Variants in MTUS2 observed in about 807,000 individuals in gnomAD.
MTUS2 encodes microtubule associated scaffold protein 2.
A neutral mutation model predicts 114.1 loss-of-function variants in MTUS2; 40 were observed. That is an observed-to-expected ratio of 0.35 (90% CI 0.27 to 0.46). The LOEUF (loss-of-function observed/expected upper bound fraction) is 0.46. Among genes scored for constraint, MTUS2 ranks in the 20% least tolerant of loss-of-function variants. The probability of loss-of-function intolerance (pLI) is 1.00; values close to 1 mark genes in which losing one functional copy is unlikely to be tolerated. For synonymous variants in MTUS2, 688 were observed against 672.0 expected (o/e 1.02, Z -0.37); for missense variants, 1,679 against 1,705.4 (o/e 0.98, Z 0.27).
At chr13:29,388,811 A>G (rs1464305109) in intron 8 of MTUS2, among the ~76,000 whole-genome samples, 1 of 152,060 alleles carries the variant, frequency 6.6e-6, no homozygotes, top group African/African-American at 2.4e-5. Flanking sequence ...ATCGCCTCTT[A>G]GTAGAATTTG....
chr13:29,054,755 A>T (rs1379525118), intron 4 of MTUS2, among the ~76,000 whole-genome samples: 3 of 152,116 alleles, frequency 2.0e-5, no homozygotes, highest in African/African-American at 7.2e-5. Context: ...TTCTAGGTAC[A>T]CCTTATGGAT....
intron 5 of MTUS2, among the ~76,000 whole-genome samples, chr13:29,144,707 A>G (rs1892360522): frequency 1.3e-5 from 2 of 152,188 alleles, no homozygotes; most frequent in Admixed American, 1.3e-4. Context: ...TGAGTTAGCA[A>G]GATGAATCTC....
rs550810101 is a variant in MTUS2, at chr13:29,128,531, A to G, written c.2644+27561A>G. Among the ~76,000 whole-genome samples, 4 of 152,318 alleles carry G rather than the reference A, an allele frequency of 2.6e-5. No homozygotes were observed. The East Asian group carries it at 7.7e-4, about 29-fold the overall frequency. ...TTAAATGTCAATAACATGATTTTGAAAATCTTACGGAAGGTGAATTATACA... is the reference window on the plus strand; with the variant it reads ...TTAAATGTCAATAACATGATTTTGAGAATCTTACGGAAGGTGAATTATACA... On this transcript the variant is annotated intron_variant, in intron 5 of 15. Transcript: ENST00000612955.
intron 6 of MTUS2, among the ~76,000 whole-genome samples, chr13:29,318,171 TA>T (rs1173509188): frequency 6.6e-6 from 1 of 152,152 alleles, no homozygotes; most frequent in African/African-American, 2.4e-5. Context: ...TTCTGTTTCT[TA>T]TCTTTTCTTA....
chr13:29,473,080 C>T (rs1162997046), intron 9 of MTUS2, among the ~76,000 whole-genome samples: 2 of 151,704 alleles, frequency 1.3e-5, no homozygotes, highest in East Asian at 3.8e-4. Context: ...TTATAGTGAC[C>T]TAAATATGTA....
chr13:29,142,228 A>G (rs906035366), intron 5 of MTUS2, among the ~76,000 whole-genome samples: 1 of 152,118 alleles, frequency 6.6e-6, no homozygotes, highest in Admixed American at 6.5e-5. Flanking sequence ...GGGGGTTGTT[A>G]CATGTTAAAG....
chr13:29,211,199 C>T (rs1322842396), intron 5 of MTUS2, among the ~76,000 whole-genome samples: 1 of 152,008 alleles, frequency 6.6e-6, no homozygotes, highest in Non-Finnish European at 1.5e-5. Flanking sequence ...AGTTATGATT[C>T]CAGGGAGATT....
Position 29,425,908 on chromosome 13 carries a change from A to G in MTUS2, c.3118-14075A>G, listed in dbSNP as rs1876489315. ...ATCTCCTGTGAGCAACTGGTTAGCA[A>G]GGGCTCTCATACATCTCCTAAGAAT... is the stretch of plus-strand genomic sequence containing the variant. On this transcript the variant is annotated intron_variant, in intron 8 of 15. Coordinates refer to ENST00000612955, the MANE Select transcript of MTUS2 (RefSeq NM_001033602.4). 2.0e-5 allele frequency among the ~76,000 whole-genome samples: 3 copies of G among 152,194 alleles called. No homozygotes were observed. In the South Asian group the frequency reaches 6.2e-4, roughly 32 times the overall value.
At chr13:29,244,541 A>G (rs1334756857) in intron 5 of MTUS2, among the ~76,000 whole-genome samples, 1 of 152,182 alleles carries the variant, frequency 6.6e-6, no homozygotes, top group African/African-American at 2.4e-5. Context: ...GGTGAGTGGC[A>G]TGAACACACT....
At chr13:29,138,098 T>A (rs1892060473) in intron 5 of MTUS2, among the ~76,000 whole-genome samples, 1 of 151,850 alleles carries the variant, frequency 6.6e-6, no homozygotes, top group South Asian at 2.1e-4. Flanking sequence ...GAAGACAGAG[T>A]CCTTTTACTC....
intron 2 of MTUS2, among the ~76,000 whole-genome samples, chr13:28,906,263 G>A (rs1880005820): frequency 6.6e-6 from 1 of 151,008 alleles, no homozygotes; most frequent in African/African-American, 2.5e-5. Flanking sequence ...CTTCAGTTCT[G>A]CTCTGATTTT....
chr13:29,058,713 C>G (rs545252948), intron 4 of MTUS2, among the ~76,000 whole-genome samples: 1 of 128,092 alleles, frequency 7.8e-6, no homozygotes, highest in East Asian at 2.4e-4. Flanking sequence ...TCCCTCCCCC[C>G]TCCCCCCACC....
chr13:29,051,208 A>T (rs781116504), intron 4 of MTUS2, among the ~76,000 whole-genome samples: 1 of 152,090 alleles, frequency 6.6e-6, no homozygotes, highest in African/African-American at 2.4e-5. Context: ...AATTATTGGG[A>T]TACATTTTGG....
intron 2 of MTUS2, among the ~76,000 whole-genome samples, chr13:28,987,720 G>T (rs1884653034): frequency 6.6e-6 from 1 of 152,142 alleles, no homozygotes. Context: ...GGATTTTTAT[G>T]TGAAATGTGC....
chr13:29,081,745 G>A (rs1889452300), intron 4 of MTUS2, among the ~76,000 whole-genome samples: 1 of 135,172 alleles, frequency 7.4e-6, no homozygotes, highest in Non-Finnish European at 1.6e-5. Context: ...TAGGGCGAGA[G>A]ATTACCAGAG....
chr13:29,410,770 A>G (rs1875168617), intron 8 of MTUS2, among the ~76,000 whole-genome samples: 1 of 151,950 alleles, frequency 6.6e-6, no homozygotes, highest in Non-Finnish European at 1.5e-5. Context: ...TTTATTGCAT[A>G]GTTTTTTTAG....
intron 2 of MTUS2, among the ~76,000 whole-genome samples, chr13:28,918,666 G>A (rs1272984371): frequency 6.6e-6 from 1 of 151,920 alleles, no homozygotes; most frequent in Non-Finnish European, 1.5e-5. Context: ...TTCATTTACT[G>A]ACATTTAATG....
At chr13:29,176,320 T>C (rs919971755) in intron 5 of MTUS2, among the ~76,000 whole-genome samples, 2 of 152,176 alleles carry the variant, frequency 1.3e-5, no homozygotes, top group Non-Finnish European at 2.9e-5. Context: ...TGGTTCATGT[T>C]CTGTCCTCCA....
At position 29,501,080 on chromosome 13, in the gene MTUS2, C is replaced by T. The variant is rs777757147; in HGVS notation, c.3799-17C>T. ...TATGGCCTTGCTAGAACCTCTTAAA[C>T]ACTGTTTCCTTTGTAGGCAGAAAAG... On this transcript the variant is annotated splice_polypyrimidine_tract_variant and intron_variant, in intron 14 of 15. Transcript: ENST00000612955. The T allele has an allele frequency of 9.9e-6, 16 of 1,609,996 alleles. No individual in the cohort carries two copies. The East Asian group carries it at 2.5e-4, about 25-fold the overall frequency.
Sources: allele counts gnomAD v4.1 joint callset (sites outside exome capture counted in the v4.1 genomes callset), GRCh38; gene constraint gnomAD v4.1.1; transcripts MANE v1.5; gene names NCBI Gene and HGNC (gene_info 2026-07-23, HGNC 2026-07-21).